The following PTPRT variants were observed in gnomAD, a reference collection of about 807,000 sequenced individuals.
PTPRT encodes protein tyrosine phosphatase receptor type T, also known as receptor-type tyrosine-protein phosphatase T.
Under a neutral mutation model 176.8 loss-of-function variants are expected in PTPRT, and 56 were observed. The observed-to-expected ratio is 0.32, with a 90% confidence interval of 0.26 to 0.40. PTPRT has a LOEUF of 0.40. Among genes scored for constraint, PTPRT ranks in the 10% least tolerant of loss-of-function variants. PTPRT has a pLI of 1.00. For missense variants in PTPRT, 1,540 were observed against 1,908.2 expected (o/e 0.81, Z 3.60); for synonymous variants, 783 against 739.0 (o/e 1.06, Z -0.96).
chr20:42,837,565 A>G (rs570142931), intron 2 of PTPRT, among the ~76,000 whole-genome samples: 1 of 152,296 alleles, frequency 6.6e-6, no homozygotes, highest in South Asian at 2.1e-4. Flanking sequence ...GTCTGCTCAA[A>G]CAGCTCATGC....
At chr20:42,049,883 G>A in the PTPRT span, among the ~76,000 whole-genome samples, 1 of 152,174 alleles carries the variant, frequency 6.6e-6, no homozygotes, top group East Asian at 1.9e-4. Context: ...AAGTTGAGGG[G>A]AGGCAAGAGC....
At chr20:42,064,666 T>C in the PTPRT span, among the ~76,000 whole-genome samples, 1 of 152,352 alleles carries the variant, frequency 6.6e-6, no homozygotes, top group Middle Eastern at 3.4e-3. Flanking sequence ...TTATCAGTCT[T>C]AATAGTTTTT....
chr20:42,543,855 T>C (rs2072626020), intron 7 of PTPRT, among the ~76,000 whole-genome samples: 1 of 152,186 alleles, frequency 6.6e-6, no homozygotes, highest in Non-Finnish European at 1.5e-5. Flanking sequence ...TGAATTACCA[T>C]GTACATTGTC....
chr20:42,123,673 G>A (rs922371687), intron 19 of PTPRT, among the ~76,000 whole-genome samples: 1 of 152,242 alleles, frequency 6.6e-6, no homozygotes, highest in South Asian at 2.1e-4. Context: ...CAGAGATAGG[G>A]ATCACATGTC....
chr20:42,628,862 T>C lies in PTPRT; in HGVS notation c.1153+49004A>G, dbSNP rs138036867. On this transcript the variant is annotated intron_variant, in intron 7 of 30. Coordinates refer to ENST00000373187, the MANE Select transcript of PTPRT (RefSeq NM_007050.6). The stretch of plus-strand genomic sequence containing the variant: ...GTGGAGTAGTTACAACAGAGACCAT[T>C]TGGTCCACAAATGCTAACATATTTA... Among the ~76,000 whole-genome samples the C allele has an allele frequency of 2.0e-3, 297 of 152,276 alleles. 5 individuals are homozygous for C. Among genetic ancestry groups the C allele is most frequent in the East Asian group, 0.013 (65 of 5,174 alleles).
intron 1 of PTPRT, among the ~76,000 whole-genome samples, chr20:42,936,579 A>G (rs912616167): frequency 1.3e-5 from 2 of 152,176 alleles, no homozygotes; most frequent in Non-Finnish European, 2.9e-5. Context: ...CCTCTTGACT[A>G]TGGGGTGGAA....
At chr20:42,456,431 T>C (rs1568896061) in intron 8 of PTPRT, among the ~76,000 whole-genome samples, 1 of 152,098 alleles carries the variant, frequency 6.6e-6, no homozygotes, top group Non-Finnish European at 1.5e-5. Context: ...GATATGTCTA[T>C]CTCCAATTTC....
intron 17 of PTPRT, among the ~76,000 whole-genome samples, chr20:42,153,350 A>G (rs1989215487): frequency 6.6e-6 from 1 of 152,196 alleles, no homozygotes; most frequent in Admixed American, 6.5e-5. Context: ...GTAGTCAAAC[A>G]TTTCACAGAT....
At position 42,100,226 on chromosome 20, in the gene PTPRT, C is replaced by G. The variant is rs539595518; in HGVS notation, c.3715-1674G>C. ...ATAAACGCTCTATTAGGCCAGCACGCCTGACAAAGCCTTATCTGAAAATAT... is the reference window on the plus strand; with the variant it reads ...ATAAACGCTCTATTAGGCCAGCACGGCTGACAAAGCCTTATCTGAAAATAT... On this transcript the variant is annotated intron_variant, in intron 26 of 30. Coordinates refer to ENST00000373187, the MANE Select transcript of PTPRT (RefSeq NM_007050.6). Among the ~76,000 whole-genome samples, 4 of 152,324 alleles carry G rather than the reference C, an allele frequency of 2.6e-5. 1 individual carries two copies. In the South Asian group the frequency reaches 8.3e-4, roughly 32 times the overall value.
At chr20:42,598,902 AC>A (rs1244230224) in intron 7 of PTPRT, among the ~76,000 whole-genome samples, 1 of 152,218 alleles carries the variant, frequency 6.6e-6, no homozygotes, top group Non-Finnish European at 1.5e-5. Context: ...AGGGCCTGCC[AC>A]AGAGTACTTC....
intron 9 of PTPRT, among the ~76,000 whole-genome samples, chr20:42,368,474 C>T (rs1000833990): frequency 3.3e-5 from 5 of 152,046 alleles, no homozygotes; most frequent in African/African-American, 9.7e-5. Flanking sequence ...TGGCTGGGAG[C>T]GTAGCAGGCT....
At chr20:43,044,630 C>T (rs1412653629) in intron 1 of PTPRT, among the ~76,000 whole-genome samples, 1 of 152,184 alleles carries the variant, frequency 6.6e-6, no homozygotes. Flanking sequence ...CCCTTCAAGC[C>T]TGTGCCACTC....
chr20:42,685,345 G>A (rs2075674274), intron 6 of PTPRT: 1 of 152,108 alleles, frequency 6.6e-6, no homozygotes, highest in Non-Finnish European at 1.5e-5. Context: ...CTAGCATAGG[G>A]GAATTGTGAT....
chr20:43,178,959 T>G (rs887639311), intron 1 of PTPRT, among the ~76,000 whole-genome samples: 1 of 152,188 alleles, frequency 6.6e-6, no homozygotes, highest in South Asian at 2.1e-4. Context: ...CCATCATACA[T>G]TGGTGCCTCT....
intron 7 of PTPRT, among the ~76,000 whole-genome samples, chr20:42,573,984 G>A (rs2073210949): frequency 1.3e-5 from 2 of 151,908 alleles, no homozygotes; most frequent in African/African-American, 2.4e-5. Flanking sequence ...TACTGACCTC[G>A]TGATCCACCA....
intron 7 of PTPRT, among the ~76,000 whole-genome samples, chr20:42,614,417 C>A (rs1019897038): frequency 2.0e-5 from 3 of 152,100 alleles, no homozygotes; most frequent in African/African-American, 4.8e-5. Context: ...TTGTACCAAT[C>A]CAACCACAAC....
the PTPRT span, chr20:42,063,496 A>T: frequency 6.6e-6 from 1 of 152,058 alleles, no homozygotes; most frequent in African/African-American, 2.4e-5. Context: ...CCAGCTTCTT[A>T]TTTTGCACAG....
chr20:42,669,190 C>T (rs1168553166), intron 7 of PTPRT, among the ~76,000 whole-genome samples: 2 of 152,054 alleles, frequency 1.3e-5, no homozygotes, highest in Non-Finnish European at 2.9e-5. Context: ...ACCCTTTCTC[C>T]ACATCTTTTT....
intron 12 of PTPRT, among the ~76,000 whole-genome samples, chr20:42,300,894 T>A (rs953905055): frequency 7.0e-5 from 9 of 127,860 alleles, no homozygotes; most frequent in Non-Finnish European, 1.4e-4. Context: ...CACTTATAGG[T>A]GGGAATTGAA....
Sources: allele counts gnomAD v4.1 joint callset (sites outside exome capture counted in the v4.1 genomes callset), GRCh38; gene constraint gnomAD v4.1.1; transcripts MANE v1.5; gene names NCBI Gene and HGNC (gene_info 2026-07-23, HGNC 2026-07-21).